SYNPO: variants seen among roughly 807,000 people sequenced by gnomAD.
SYNPO encodes synaptopodin.
A neutral mutation model predicts 49.5 loss-of-function variants in SYNPO; 19 were observed. That is an observed-to-expected ratio of 0.38 (90% CI 0.27 to 0.56). The LOEUF (loss-of-function observed/expected upper bound fraction) is 0.56. SYNPO is among the 20% of genes least tolerant of loss of function. The pLI is 0.68. For synonymous variants in SYNPO, 536 were observed against 548.0 expected, an observed-to-expected ratio of 0.98 and a Z score of 0.31; for missense variants, 1,131 against 1,248.3, an observed-to-expected ratio of 0.91 and a Z score of 1.42.
upstream of SYNPO, chr5:150,640,007 A>T (rs968786426): frequency 4.5e-6 from 2 of 444,006 alleles, no homozygotes; most frequent in Non-Finnish European, 6.0e-6. Context: ...TGGCTGTGTG[A>T]CCTTGAGCAA....
chr5:150,618,193 G>T (rs116644310), exon 2 of SYNPO: 4 of 741,134 alleles, frequency 5.4e-6, no homozygotes, highest in Non-Finnish European at 4.1e-6. Flanking sequence ...CTTATCTTTC[G>T]TCTCAGCCAG....
At chr5:150,629,075 G>A (rs1420666241) in intron 2 of SYNPO, among the ~76,000 whole-genome samples, 1 of 152,198 alleles carries the variant, frequency 6.6e-6, no homozygotes, top group Non-Finnish European at 1.5e-5. Flanking sequence ...CTGGGGTGCA[G>A]TGGCATGATT....
Position 150,649,599 on chromosome 5 carries a change from C to T in SYNPO, c.1324C>T (p.Pro442Ser), listed in dbSNP as rs1185451476. 3.1e-6 allele frequency: 5 copies of T among 1,609,514 alleles called. No homozygotes were observed. Among genetic ancestry groups the T allele is most frequent in the Non-Finnish European group, 4.2e-6 (5 of 1,179,048 alleles). The change falls in exon 2 of 3, where the codon CCC becomes TCC. Residue 442 changes from proline (P) to serine (S), a missense_variant. By Grantham distance (74) the Pro-to-Ser change is moderately conservative. Coordinates refer to ENST00000307662, the MANE Select transcript of SYNPO (RefSeq NM_007286.6). ...QEPAPRDRASPAAAEEVVPEW... is the reference protein window; with the variant it reads ...QEPAPRDRASSAAAEEVVPEW... ...GCCAGCACCTCGTGACAGGGCCAGC[C>T]CCGCGGCGGCGGAGGAGGTGGTACC...
In SYNPO at chr5:150,657,377, C is replaced by CCCATCAGT. The variant is rs1455338739; in HGVS notation, c.*291_*298dup. ...ATCCACAAACGTCAAAATTCCCCTT[C>CCCATCAGT]CCATCAGTACACACACCGATGCACA... On this transcript the variant is annotated 3_prime_UTR_variant, in exon 3 of 3. Transcript: ENST00000307662. 1.3e-5 allele frequency: 6 copies of CCCATCAGT among 472,486 alleles called. No individual in the cohort carries two copies. In the East Asian group the frequency reaches 2.2e-4, roughly 17 times the overall value. The allele number at this position is 472,486 out of a possible 1,614,324, so 29.3% of individuals were successfully genotyped here. A position where few individuals can be genotyped will look rare whatever the true frequency, so the allele number is the denominator to read the frequency against.
intron 2 of SYNPO, among the ~76,000 whole-genome samples, chr5:150,629,243 G>A (rs143147743): frequency 1.3e-5 from 2 of 152,216 alleles, no homozygotes; most frequent in African/African-American, 4.8e-5. Flanking sequence ...GAACTCCTGG[G>A]CTCAAGTGAT....
intron 2 of SYNPO, among the ~76,000 whole-genome samples, chr5:150,631,536 G>A (rs531802553): frequency 2.3e-3 from 343 of 152,316 alleles, no homozygotes; most frequent in Middle Eastern, 3.4e-3. Flanking sequence ...CACCACGACG[G>A]GAGCTGCAGC....
At chr5:150,645,648 C>A (rs747437169) in intron 1 of SYNPO, among the ~76,000 whole-genome samples, 4 of 152,148 alleles carry the variant, frequency 2.6e-5, no homozygotes, top group East Asian at 3.9e-4. Context: ...CCCAAAGAGA[C>A]CTTTTGGGAT....
At chr5:150,636,587 T>C (rs1257837801), upstream of SYNPO, among the ~76,000 whole-genome samples, 1 of 152,208 alleles carries the variant, frequency 6.6e-6, no homozygotes, top group African/African-American at 2.4e-5. Flanking sequence ...GACTGCATGA[T>C]TCAGCCTCTC....
intron 2 of SYNPO, among the ~76,000 whole-genome samples, chr5:150,626,309 TG>T (rs1169642044): frequency 6.6e-6 from 1 of 152,198 alleles, no homozygotes; most frequent in Non-Finnish European, 1.5e-5. Flanking sequence ...GTTTGCTGGG[TG>T]GGGCATCCCC....
intron 2 of SYNPO, among the ~76,000 whole-genome samples, chr5:150,654,843 C>T (rs148455380): frequency 0.012 from 1,776 of 152,196 alleles, 16 homozygotes; most frequent in Non-Finnish European, 0.019. Context: ...TAATAATAGT[C>T]GGCCAGGCGC....
the SYNPO span, among the ~76,000 whole-genome samples, chr5:150,595,323 C>T: frequency 3.9e-3 from 599 of 152,346 alleles, 2 homozygotes; most frequent in African/African-American, 0.014. Context: ...CTGTGAGATG[C>T]TAATGCTGGA....
chr5:150,616,601 T>C (rs1020005519), intron 1 of SYNPO, among the ~76,000 whole-genome samples: 9 of 152,326 alleles, frequency 5.9e-5, no homozygotes, highest in Admixed American at 5.2e-4. Flanking sequence ...TAGACCCCTA[T>C]GTGGAACCGC....
At chr5:150,590,018 G>C in the SYNPO span, among the ~76,000 whole-genome samples, 1 of 152,248 alleles carries the variant, frequency 6.6e-6, no homozygotes, top group African/African-American at 2.4e-5. Context: ...TGCAAGGAAC[G>C]AAGTTCAGCC....
At chr5:150,644,924 G>C (rs1239517162) in intron 1 of SYNPO, among the ~76,000 whole-genome samples, 1 of 152,214 alleles carries the variant, frequency 6.6e-6, no homozygotes, top group Non-Finnish European at 1.5e-5. Context: ...GGGATAGGCT[G>C]TGTGCTTTCA....
At chr5:150,589,147 C>T in the SYNPO span, among the ~76,000 whole-genome samples, 9,420 of 151,686 alleles carry the variant, frequency 0.062, 939 homozygotes, top group African/African-American at 0.22. Context: ...CTGCAACCTC[C>T]GCCTCCTGGG....
upstream of SYNPO, among the ~76,000 whole-genome samples, chr5:150,636,318 A>G (rs1240601968): frequency 6.6e-6 from 1 of 152,202 alleles, no homozygotes; most frequent in African/African-American, 2.4e-5. Flanking sequence ...TTTGAAATGT[A>G]TATAACTATT....
exon 2 of SYNPO, chr5:150,618,200 C>T: frequency 1.2e-6 from 1 of 812,862 alleles, no homozygotes. Flanking sequence ...TTCGTCTCAG[C>T]CAGACCTCAC....
chr5:150,589,389 T>C, the SYNPO span, among the ~76,000 whole-genome samples: 1 of 152,160 alleles, frequency 6.6e-6, no homozygotes, highest in East Asian at 1.9e-4. Context: ...GAGCAGCACA[T>C]GTAGGTGTAT....
At chr5:150,650,520 C>T in intron 2 of SYNPO, 4 of 1,474,962 alleles carry the variant, frequency 2.7e-6, no homozygotes, top group Non-Finnish European at 3.6e-6. Flanking sequence ...GAGCTGAAGC[C>T]GCCCCTCCCC....
Sources: gnomAD v4.1 joint callset for allele counts (sites outside exome capture counted in the v4.1 genomes callset) on GRCh38, gnomAD v4.1.1 for gene constraint, MANE v1.5 for transcripts, NCBI Gene and HGNC (gene_info 2026-07-23, HGNC 2026-07-21) for gene names.